The following MAGI2 variants were observed in gnomAD, a reference collection of about 807,000 sequenced individuals.
MAGI2 encodes membrane associated guanylate kinase, WW and PDZ domain containing 2, also known as membrane-associated guanylate kinase, WW and PDZ domain-containing protein 2.
A neutral mutation model predicts 133.3 loss-of-function variants in MAGI2; 35 were observed. The ratio of observed to expected loss-of-function variants is 0.26; its 90% CI spans 0.20 to 0.35. The LOEUF is 0.35. MAGI2 is among the 10% of genes least tolerant of loss of function. The probability of loss-of-function intolerance (pLI) is 1.00; values close to 1 mark genes in which losing one functional copy is unlikely to be tolerated. For missense variants in MAGI2, 1,636 were observed against 1,863.4 expected, an observed-to-expected ratio of 0.88 and a Z score of 2.25; for synonymous variants, 729 against 710.6, an observed-to-expected ratio of 1.03 and a Z score of -0.41.
chr7:78,388,604 T>A (rs1393127462), intron 6 of MAGI2, among the ~76,000 whole-genome samples: 3 of 152,198 alleles, frequency 2.0e-5, no homozygotes, highest in Non-Finnish European at 2.9e-5. Flanking sequence ...GACATTTAGC[T>A]AATTGTTAAA....
intron 1 of MAGI2, among the ~76,000 whole-genome samples, chr7:79,277,763 C>T (rs1835340195): frequency 6.6e-6 from 1 of 152,122 alleles, no homozygotes; most frequent in Non-Finnish European, 1.5e-5. Context: ...AGAAAATTCA[C>T]AGATGTAACT....
intron 5 of MAGI2, among the ~76,000 whole-genome samples, chr7:78,500,916 C>CACCTCTACT (rs1794564360): frequency 6.6e-6 from 1 of 152,100 alleles, no homozygotes; most frequent in South Asian, 2.1e-4. Context: ...GGCAAAGCCC[C>CACCTCTACT]ACCTCTACTA....
intron 2 of MAGI2, chr7:78,940,716 A>G: frequency 6.6e-6 from 1 of 152,184 alleles, no homozygotes; most frequent in Non-Finnish European, 1.5e-5. Flanking sequence ...CAAGACTGTG[A>G]TTACCAACAC....
intron 2 of MAGI2, among the ~76,000 whole-genome samples, chr7:78,696,929 A>G (rs1223361634): frequency 6.6e-6 from 1 of 152,102 alleles, no homozygotes; most frequent in Non-Finnish European, 1.5e-5. Flanking sequence ...GAGACCACCA[A>G]TCCAGCCTTT....
At chr7:78,490,892 A>G (rs1283567594) in intron 5 of MAGI2, among the ~76,000 whole-genome samples, 2 of 152,076 alleles carry the variant, frequency 1.3e-5, no homozygotes, top group Non-Finnish European at 2.9e-5. Context: ...CAGGTGTGGG[A>G]AAGTGTGAGG....
chr7:79,386,755 T>C (rs1844209110), intron 1 of MAGI2, among the ~76,000 whole-genome samples: 1 of 151,978 alleles, frequency 6.6e-6, no homozygotes, highest in Non-Finnish European at 1.5e-5. Flanking sequence ...ATCCCCATTG[T>C]GGTGGTATTA....
intron 1 of MAGI2, among the ~76,000 whole-genome samples, chr7:79,126,503 T>C (rs766259497): frequency 6.6e-6 from 1 of 151,658 alleles, no homozygotes; most frequent in Non-Finnish European, 1.5e-5. Context: ...GTAAGAGAAG[T>C]AGAGAAAAGT....
chr7:78,863,780 G>A (rs1215549776), intron 2 of MAGI2, among the ~76,000 whole-genome samples: 1 of 152,234 alleles, frequency 6.6e-6, no homozygotes, highest in East Asian at 1.9e-4. Flanking sequence ...ATTCCACTAA[G>A]TCCTTAAGGA....
chr7:78,760,291 C>T (rs1427018192), intron 2 of MAGI2, among the ~76,000 whole-genome samples: 2 of 151,714 alleles, frequency 1.3e-5, no homozygotes, highest in Non-Finnish European at 2.9e-5. Flanking sequence ...TTAAAATTTC[C>T]ACCCTGATAA....
At chr7:78,766,041 C>A (rs1201603074) in intron 2 of MAGI2, among the ~76,000 whole-genome samples, 2 of 152,186 alleles carry the variant, frequency 1.3e-5, no homozygotes, top group Non-Finnish European at 2.9e-5. Flanking sequence ...AGAATCCTCC[C>A]ACACTTGGCC....
intron 2 of MAGI2, among the ~76,000 whole-genome samples, chr7:78,641,182 TTTATAAA>T (rs1451627066): frequency 6.6e-6 from 1 of 152,210 alleles, no homozygotes; most frequent in Admixed American, 6.5e-5. Flanking sequence ...ACCTCTTTTC[TTTATAAA>T]TTATACAGTC....
intron 1 of MAGI2, among the ~76,000 whole-genome samples, chr7:79,446,115 A>G (rs1441515792): frequency 6.6e-6 from 1 of 152,180 alleles, no homozygotes; most frequent in African/African-American, 2.4e-5. Flanking sequence ...GACCTGAACA[A>G]TGAGAACACA....
chr7:79,193,789 A>AT (rs1467945490), intron 1 of MAGI2, among the ~76,000 whole-genome samples: 2 of 151,666 alleles, frequency 1.3e-5, no homozygotes, highest in Non-Finnish European at 2.9e-5. Context: ...AAATGGCTGC[A>AT]TTTTTTAGAG....
chr7:78,574,424 A>T (rs1044072001), intron 3 of MAGI2, among the ~76,000 whole-genome samples: 1 of 152,132 alleles, frequency 6.6e-6, no homozygotes, highest in African/African-American at 2.4e-5. Context: ...ATATTTTACC[A>T]TGTATACTGT....
At chr7:79,161,182 G>A (rs1484728956) in intron 1 of MAGI2, among the ~76,000 whole-genome samples, 2 of 152,032 alleles carry the variant, frequency 1.3e-5, no homozygotes, top group African/African-American at 4.8e-5. Context: ...TAATGCATCT[G>A]ACTGGGGATG....
intron 9 of MAGI2, among the ~76,000 whole-genome samples, chr7:78,340,124 C>A (rs1462399632): frequency 6.6e-6 from 1 of 152,002 alleles, no homozygotes; most frequent in Non-Finnish European, 1.5e-5. Flanking sequence ...AAGGAATTCT[C>A]TAATTTTTGT....
intron 1 of MAGI2, among the ~76,000 whole-genome samples, chr7:79,327,472 GA>G (rs917183009): frequency 6.6e-6 from 1 of 152,080 alleles, no homozygotes; most frequent in African/African-American, 2.4e-5. Context: ...CTGGTAAAGG[GA>G]AATCCTGACA....
intron 3 of MAGI2, among the ~76,000 whole-genome samples, chr7:78,566,598 C>G (rs908891124): frequency 2.0e-5 from 3 of 150,948 alleles, no homozygotes; most frequent in Non-Finnish European, 2.9e-5. Flanking sequence ...GGTACATACT[C>G]AGAGGTCAGG....
chr7:78,362,233 C>T (rs761846606), intron 7 of MAGI2, among the ~76,000 whole-genome samples: 14 of 152,126 alleles, frequency 9.2e-5, no homozygotes, highest in African/African-American at 2.9e-4. Context: ...ACCTGGGAGG[C>T]GGAGGTTGCA....
Sources: allele counts gnomAD v4.1 joint callset (sites outside exome capture counted in the v4.1 genomes callset), GRCh38; gene constraint gnomAD v4.1.1; transcripts MANE v1.5; gene names NCBI Gene and HGNC (gene_info 2026-07-23, HGNC 2026-07-21).